PXDN: variants seen among roughly 807,000 people sequenced by gnomAD.
PXDN encodes the protein peroxidasin homolog.
Under a neutral mutation model 140.3 loss-of-function variants are expected in PXDN, and 77 were observed. The observed-to-expected ratio is 0.55, with a 90% CI of 0.46 to 0.66. PXDN has a LOEUF of 0.66. Among genes scored for constraint, PXDN ranks in the 30% least tolerant of loss-of-function variants. PXDN has a pLI of 0.00. For synonymous variants in PXDN, 911 were observed against 857.4 expected (o/e 1.06, Z -1.09); for missense variants, 1,838 against 2,039.5 (o/e 0.90, Z 1.90).
In PXDN at chr2:1,643,384, C is replaced by T; in HGVS notation, c.3936G>A (p.Trp1312Ter). The change falls in exon 19 of 23, where the codon TGG becomes TGA. Residue 1312 changes from tryptophan (W) to a stop codon, truncating the protein, a stop_gained. Transcript: ENST00000252804. LOFTEE classifies it high-confidence loss of function. ...GGCACGCACCTTCACAGCAGTCCTG[C>T]CACACCCGGAGGTCTACCCTGGGGA... ...DEIPRVDLRVWQDCCEDCRTR... is the reference protein window; with the variant it reads ...DEIPRVDLRV 1 of 1,613,806 alleles carries T rather than the reference C, an allele frequency of 6.2e-7. No homozygotes were observed.
chr2:1,639,427 A>G lies in PXDN; in HGVS notation c.3953-5T>C, dbSNP rs778893584. ...ACTGCCCCCTGGTCCTACAGTCTAA[A>G]ATGGAAGCACAAAGCAGAATGTCAG... On this transcript the variant is annotated splice_region_variant and splice_polypyrimidine_tract_variant and intron_variant, in intron 19 of 22. Coordinates refer to ENST00000252804, the MANE Select transcript of PXDN (RefSeq NM_012293.3). This position sits in a 1 kb window ranked among gnomAD's most constrained non-coding sequence, Gnocchi z 5.0. 4.3e-6 allele frequency: 7 copies of G among 1,613,816 alleles called. No individual in the cohort carries two copies. Among genetic ancestry groups the G allele is most frequent in the Non-Finnish European group, 5.9e-6 (7 of 1,179,856 alleles).
chr2:1,693,960 G>C (rs1684240410), intron 1 of PXDN, among the ~76,000 whole-genome samples: 2 of 152,244 alleles, frequency 1.3e-5, no homozygotes, highest in African/African-American at 4.8e-5. Flanking sequence ...GGCAGCGATG[G>C]GAAGTGCAGA....
rs200485029 is a variant in PXDN at position 1,673,673 on chromosome 2, C to T, written c.988G>A (p.Glu330Lys). 18 of 1,613,884 alleles carry T rather than the reference C, an allele frequency of 1.1e-5. No individual in the cohort carries two copies. The highest frequency in any genetic ancestry group is 1.4e-5 in the Non-Finnish European group (17 of 1,179,792). Residue 330 changes from glutamate (E) to lysine (K), a missense_variant, in exon 9 of 23, where the codon GAG (glutamate) becomes AAG (lysine). Glu to Lys is a moderately conservative substitution (Grantham distance 56). Coordinates refer to ENST00000252804, the MANE Select transcript of PXDN (RefSeq NM_012293.3). ...KNVAGEVKTQ[E>K]VTLRYFGSPA... ...GACCCGAAGTACCTGAGGGTCACCT[C>T]TTGCGTCTTCACCTCTCCGGCCACG... is the stretch of plus-strand genomic sequence containing the variant.
rs1244862702 is a variant in PXDN at position 1,648,904 on chromosome 2, C to T, written c.2876G>A (p.Cys959Tyr). The T allele has an allele frequency of 6.2e-7, 1 of 1,602,368 alleles. No homozygotes were observed. Residue 959 changes from cysteine (C) to tyrosine (Y), a missense_variant, in exon 17 of 23, where the codon TGC (cysteine) becomes TAC (tyrosine). Coordinates refer to ENST00000252804, the MANE Select transcript of PXDN (RefSeq NM_012293.3). The surrounding 1 kb of genome is among the most constrained non-coding windows in gnomAD (Gnocchi z 8.9). ...LPFATGPPTECMRDENESPIP... is the reference protein window; with the variant it reads ...LPFATGPPTEYMRDENESPIP... The stretch of plus-strand genomic sequence containing the variant: ...GGGGCTCTCGTTCTCGTCCCGCATG[C>T]ACTCCGTGGGCGGCCCGGTGGCGAA...
chr2:1,678,972 G>T (rs1558504778), intron 7 of PXDN, among the ~76,000 whole-genome samples: 1 of 152,002 alleles, frequency 6.6e-6, no homozygotes, highest in Non-Finnish European at 1.5e-5. Flanking sequence ...GCTCCAGCAA[G>T]AACTGAGCTA....
chr2:1,648,687 G>A lies in PXDN; in HGVS notation c.3093C>T (p.Tyr1031=), dbSNP rs6752525. ...CCAGGATCTTCGGGAGCCAGTGCTG[G>A]TAGGTGATGTGCTGGATCTCCGCAC... ...IVGAEIQHIT[Y]QHWLPKILGE... is the part of the protein sequence containing the mutation. Residue 1031 remains tyrosine, a synonymous_variant, in exon 17 of 23, where the codon TAC becomes TAT. Coordinates refer to ENST00000252804, the MANE Select transcript of PXDN (RefSeq NM_012293.3). This position sits in a 1 kb window ranked among gnomAD's most constrained non-coding sequence, Gnocchi z 8.9. 6.9e-3 allele frequency: 11,081 copies of A among 1,607,828 alleles called. 581 individuals carry two copies. The African/African-American group carries it at 0.12, about 18-fold the overall frequency.
intron 13 of PXDN, 85 bp from the exon 14 acceptor site, chr2:1,661,122 A>G (rs1469876723): frequency 2.7e-6 from 4 of 1,483,440 alleles, no homozygotes; most frequent in Non-Finnish European, 2.8e-6. Flanking sequence ...GAGGGGAGCC[A>G]TTTGTTAGGA....
intron 16 of PXDN, among the ~76,000 whole-genome samples, chr2:1,650,209 C>T (rs1486824707): frequency 3.3e-5 from 5 of 152,212 alleles, no homozygotes; most frequent in African/African-American, 4.8e-5. Context: ...CTTCCTTTCA[C>T]GCTACCTCAA....
intron 8 of PXDN, 72 bp downstream of exon 8, chr2:1,676,855 G>A (rs1411974848): frequency 1.5e-6 from 2 of 1,377,708 alleles, no homozygotes; most frequent in Non-Finnish European, 1.0e-6. Flanking sequence ...GGTGGGGAGT[G>A]AGGTGTGGTT....
chr2:1,661,996 G>C (rs1683315754), intron 13 of PXDN, 76 bp downstream of exon 13: 1 of 1,331,118 alleles, frequency 7.5e-7, no homozygotes. Flanking sequence ...CCTTGCTCCA[G>C]GTAGTGGGTG....
At position 1,638,980 on chromosome 2, in the gene PXDN, T is replaced by C. The variant is rs1682644923; in HGVS notation, c.4074-2A>G. The C allele has an allele frequency of 1.2e-6, 2 of 1,613,660 alleles. No homozygotes were observed. Among genetic ancestry groups the C allele is most frequent in the Non-Finnish European group, 1.7e-6 (2 of 1,179,712 alleles). On this transcript the variant is annotated splice_acceptor_variant, in intron 20 of 22. Transcript: ENST00000252804. LOFTEE classifies it high-confidence loss of function. The stretch of plus-strand genomic sequence containing the variant: ...AGATGTTCCCCCTGTCTCCCAACAC[T>C]GTGGTGAGGGGAAAGGAGGAGGAGG...
At chr2:1,720,024 A>AT in intron 1 of PXDN, among the ~76,000 whole-genome samples, 1 of 56,992 alleles carries the variant, frequency 1.8e-5, no homozygotes, top group Non-Finnish European at 3.0e-5. Flanking sequence ...AGAGAGAGAG[A>AT]GAGAGAGAGG....
intron 7 of PXDN, among the ~76,000 whole-genome samples, chr2:1,678,093 T>G (rs935808598): frequency 6.6e-6 from 1 of 152,092 alleles, no homozygotes; most frequent in Non-Finnish European, 1.5e-5. Flanking sequence ...CTGGGGCGGC[T>G]CTGCCCAGCC....
chr2:1,689,784 C>CA (rs59005952), intron 3 of PXDN, among the ~76,000 whole-genome samples: 3,210 of 118,292 alleles, frequency 0.027, 51 homozygotes, highest in Admixed American at 0.06. Context: ...AACTCCACCT[C>CA]AAAAAAAAAA....
chr2:1,710,402 G>A (rs114712752), intron 1 of PXDN, among the ~76,000 whole-genome samples: 2,982 of 152,216 alleles, frequency 0.02, 42 homozygotes, highest in Non-Finnish European at 0.032. Flanking sequence ...AGCAGCACAC[G>A]GTGGTGGTAT....
chr2:1,658,560 C>A (rs922770580), intron 14 of PXDN, among the ~76,000 whole-genome samples: 10 of 152,104 alleles, frequency 6.6e-5, no homozygotes, highest in African/African-American at 2.2e-4. Flanking sequence ...CAGCACCCCC[C>A]ACTATCCTCC....
chr2:1,705,324 C>A (rs1172191824), intron 1 of PXDN, among the ~76,000 whole-genome samples: 3 of 152,158 alleles, frequency 2.0e-5, no homozygotes, highest in Admixed American at 2.0e-4. Flanking sequence ...AGGAGGCAGC[C>A]ATGTGCCACT....
At position 1,673,683 on chromosome 2, in the gene PXDN, C is replaced by T. The variant is rs943645010; in HGVS notation, c.978G>A (p.Val326=). 4 of 1,613,906 alleles carry T rather than the reference C, an allele frequency of 2.5e-6. No homozygotes were observed. Among genetic ancestry groups the T allele is most frequent in the Non-Finnish European group, 3.4e-6 (4 of 1,179,818 alleles). ...ACCTGAGGGTCACCTCTTGCGTCTTCACCTCTCCGGCCACGTTCTTTGCCA... is the reference window on the plus strand; with the variant it reads ...ACCTGAGGGTCACCTCTTGCGTCTTTACCTCTCCGGCCACGTTCTTTGCCA... The part of the protein sequence containing the change: ...QCMAKNVAGE[V]KTQEVTLRYF... The change falls in exon 9 of 23, where the codon GTG becomes GTA. Residue 326 remains valine (V), a synonymous_variant. Coordinates refer to ENST00000252804, the MANE Select transcript of PXDN (RefSeq NM_012293.3).
In PXDN at chr2:1,648,643, G is replaced by T; in HGVS notation, c.3137C>A (p.Thr1046Lys). The T allele has an allele frequency of 6.2e-7, 1 of 1,610,840 alleles. No individual in the cohort carries two copies. Among genetic ancestry groups the T allele is most frequent in the Non-Finnish European group, 8.5e-7 (1 of 1,178,884 alleles). ...PKILGEVGMR[T>K]LGEYHGYDPG... ...GTCGTAGCCGTGGTACTCTCCCAGC[G>T]TCCTCATGCCCACCTCCCCCAGGAT... The change falls in exon 17 of 23, where the codon ACG becomes AAG. Residue 1046 changes from threonine (T) to lysine (K), a missense_variant. Transcript: ENST00000252804. This position sits in a 1 kb window ranked among gnomAD's most constrained non-coding sequence, Gnocchi z 8.9.
Sources: gnomAD v4.1 joint callset for allele counts (sites outside exome capture counted in the v4.1 genomes callset) on GRCh38, gnomAD v4.1.1 for gene constraint, Gnocchi (gnomAD v3.1) non-coding constraint, MANE v1.5 for transcripts, NCBI Gene and HGNC (gene_info 2026-07-23, HGNC 2026-07-21) for gene names.